CNBD1: variants seen among roughly 807,000 people sequenced by gnomAD.
CNBD1 encodes the protein cyclic nucleotide-binding domain-containing protein 1.
CNBD1 carries 71 observed loss-of-function variants against 54.4 expected under a neutral mutation model. That is an observed-to-expected ratio of 1.30 (90% CI 1.08 to 1.59). The LOEUF (loss-of-function observed/expected upper bound fraction) is 1.59, where lower values mean the gene tolerates loss of function less well. Among genes scored for constraint, CNBD1 ranks in the 40% most tolerant of loss-of-function variants. CNBD1 has a pLI of 0.00. For missense variants in CNBD1, 659 were observed against 518.0 expected, an observed-to-expected ratio of 1.27 and a Z score of -2.64; for synonymous variants, 182 against 170.7, an observed-to-expected ratio of 1.07 and a Z score of -0.51.
chr8:87,240,029 G>T (rs992147397), intron 6 of CNBD1, among the ~76,000 whole-genome samples: 2 of 150,572 alleles, frequency 1.3e-5, no homozygotes, highest in Non-Finnish European at 3.0e-5. Context: ...ATTTCTTAGA[G>T]ACATCTCAGC....
chr8:87,117,613 G>T (rs1345001097), intron 4 of CNBD1, among the ~76,000 whole-genome samples: 1 of 152,060 alleles, frequency 6.6e-6, no homozygotes, highest in Non-Finnish European at 1.5e-5. Context: ...TTCATTATAT[G>T]CTTCACAAAG....
chr8:87,234,551 G>A (rs1432251269), intron 5 of CNBD1, among the ~76,000 whole-genome samples: 1 of 152,140 alleles, frequency 6.6e-6, no homozygotes, highest in East Asian at 1.9e-4. Flanking sequence ...ATTTTGAAAG[G>A]AGTCTTTTTT....
intron 3 of CNBD1, among the ~76,000 whole-genome samples, chr8:86,920,622 G>A (rs192123856): frequency 1.5e-4 from 23 of 152,294 alleles, no homozygotes; most frequent in Admixed American, 8.5e-4. Flanking sequence ...ACCCAAGGAA[G>A]TCTGTTGGGA....
At chr8:87,103,189 G>A (rs1217888535) in intron 4 of CNBD1, among the ~76,000 whole-genome samples, 1 of 152,158 alleles carries the variant, frequency 6.6e-6, no homozygotes, top group Non-Finnish European at 1.5e-5. Context: ...CCAGCTATGT[G>A]GTTGTTGAGA....
intron 6 of CNBD1, among the ~76,000 whole-genome samples, chr8:87,252,480 G>A (rs1254826323): frequency 6.6e-6 from 1 of 152,092 alleles, no homozygotes; most frequent in African/African-American, 2.4e-5. Context: ...TTTACTTAGA[G>A]AATAAATTAA....
At position 87,300,417 on chromosome 8, in the gene CNBD1, A is replaced by G. The variant is rs75155821; in HGVS notation, c.1042+13746A>G. Among the ~76,000 whole-genome samples, 1,472 of 152,256 alleles carry G rather than the reference A, an allele frequency of 9.7e-3. 20 individuals carry two copies. The highest frequency in any genetic ancestry group is 0.033 in the African/African-American group (1,351 of 41,556). Reference sequence around the variant, plus strand: ...CCTGTTACTACTGATTTTAAAATCCATATTGAAAAACTTTAAAAAATCTAA... The same window carrying G: ...CCTGTTACTACTGATTTTAAAATCCGTATTGAAAAACTTTAAAAAATCTAA... On this transcript the variant is annotated intron_variant, in intron 8 of 10. Transcript: ENST00000518476.
At chr8:87,309,281 G>A (rs1414705156) in intron 8 of CNBD1, among the ~76,000 whole-genome samples, 1 of 152,022 alleles carries the variant, frequency 6.6e-6, no homozygotes, top group Non-Finnish European at 1.5e-5. Context: ...ATTAAAACTA[G>A]GATAATATAA....
intron 2 of CNBD1, among the ~76,000 whole-genome samples, chr8:87,418,449 G>C (rs886347948): frequency 2.0e-5 from 3 of 151,840 alleles, no homozygotes; most frequent in Non-Finnish European, 4.4e-5. Flanking sequence ...CCTTGCACTA[G>C]GCAATGGTTT....
intron 4 of CNBD1, among the ~76,000 whole-genome samples, chr8:87,083,981 G>A (rs1811049765): frequency 2.6e-5 from 4 of 152,120 alleles, no homozygotes; most frequent in Admixed American, 2.6e-4. Context: ...TTGGGCACAT[G>A]TTCTCAGGAC....
intron 10 of CNBD1, among the ~76,000 whole-genome samples, chr8:87,370,454 G>A (rs899146261): frequency 2.6e-5 from 4 of 152,110 alleles, no homozygotes; most frequent in African/African-American, 4.8e-5. Flanking sequence ...TTGTGGTTTT[G>A]ATTTGCATTT....
At position 86,884,352 on chromosome 8, in the gene CNBD1, A is replaced by G. The variant is rs575447671; in HGVS notation, c.89-3190A>G. Reference sequence around the variant, plus strand: ...TGTCAGTGTGCCAGCATTTATTAATAGAAAACTTTGACTGGGCATTATTCT... The same window carrying G: ...TGTCAGTGTGCCAGCATTTATTAATGGAAAACTTTGACTGGGCATTATTCT... On this transcript the variant is annotated intron_variant, in intron 1 of 10. Transcript: ENST00000518476. Among the ~76,000 whole-genome samples, 5 of 152,288 alleles carry G rather than the reference A, an allele frequency of 3.3e-5. No homozygotes were observed. In the East Asian group the frequency reaches 9.6e-4, roughly 29 times the overall value.
At chr8:87,348,785 G>A (rs568261298) in intron 8 of CNBD1, among the ~76,000 whole-genome samples, 1 of 152,186 alleles carries the variant, frequency 6.6e-6, no homozygotes, top group South Asian at 2.1e-4. Context: ...TCTTCTTATC[G>A]TAACTTCTTC....
chr8:87,382,574 G>A lies in CNBD1; in HGVS notation c.1304-46G>A, dbSNP rs750204077. On this transcript the variant is annotated intron_variant, in intron 10 of 10. Coordinates refer to ENST00000518476, the MANE Select transcript of CNBD1 (RefSeq NM_173538.3). ...CTGTAGGAAAATAATTACCAAAAAT[G>A]AGTATTTATTATGTAACTTCTTGTT... The A allele has an allele frequency of 6.9e-5, 102 of 1,482,374 alleles. 1 individual carries two copies. Among genetic ancestry groups the A allele is most frequent in the African/African-American group, 1.4e-4 (10 of 71,708 alleles). 91.8% of individuals were successfully genotyped at this position (1,482,374 alleles called of 1,614,324 possible).
chr8:87,413,598 G>T (rs1312992020), intron 2 of CNBD1, among the ~76,000 whole-genome samples: 1 of 152,022 alleles, frequency 6.6e-6, no homozygotes, highest in African/African-American at 2.4e-5. Flanking sequence ...GGCATCTACA[G>T]TGTACACACT....
chr8:86,925,861 GA>G (rs1226450770), intron 3 of CNBD1, among the ~76,000 whole-genome samples: 3 of 152,098 alleles, frequency 2.0e-5, no homozygotes, highest in Non-Finnish European at 2.9e-5. Flanking sequence ...ACTTGGCAGT[GA>G]GTGTTACAGC....
At chr8:87,134,928 G>C (rs1316803278) in intron 4 of CNBD1, among the ~76,000 whole-genome samples, 4 of 151,950 alleles carry the variant, frequency 2.6e-5, no homozygotes, top group African/African-American at 9.7e-5. Context: ...TTTTAATCTT[G>C]AAAACAAACT....
In CNBD1 at chr8:87,324,547, A is replaced by G. The variant is rs1175939175; in HGVS notation, c.1043-27138A>G. On this transcript the variant is annotated intron_variant, in intron 8 of 10. Coordinates refer to ENST00000518476, the MANE Select transcript of CNBD1 (RefSeq NM_173538.3). ...TTAGTCTTGGGAGAGTGTATGTGTC[A>G]AGGAATGTATCCATTTCTTCTAGAT... Among the ~76,000 whole-genome samples the G allele has an allele frequency of 4.1e-5, 6 of 145,350 alleles. 1 individual carries two copies. The highest frequency in any genetic ancestry group is 2.0e-4 in the East Asian group (1 of 5,128).
intron 3 of CNBD1, among the ~76,000 whole-genome samples, chr8:86,935,646 A>T (rs1039090822): frequency 3.3e-5 from 5 of 151,968 alleles, no homozygotes; most frequent in Non-Finnish European, 5.9e-5. Flanking sequence ...GTTCTCAAAA[A>T]TTTTTTGCCA....
chr8:87,302,617 T>G (rs1383426417), intron 8 of CNBD1, among the ~76,000 whole-genome samples: 1 of 151,768 alleles, frequency 6.6e-6, no homozygotes, highest in Admixed American at 6.6e-5. Context: ...TTCAACATAG[T>G]GTTGGAAGTT....
Sources: gnomAD v4.1 joint callset for allele counts (sites outside exome capture counted in the v4.1 genomes callset) on GRCh38, gnomAD v4.1.1 for gene constraint, MANE v1.5 for transcripts, NCBI Gene and HGNC (gene_info 2026-07-23, HGNC 2026-07-21) for gene names.